Variants in RPH3A observed in about 807,000 individuals in gnomAD.
RPH3A encodes rabphilin-3A.
A neutral mutation model predicts 102.2 loss-of-function variants in RPH3A; 48 were observed. The ratio of observed to expected loss-of-function variants is 0.47; its 90% CI spans 0.37 to 0.60. The LOEUF is 0.60. Among genes scored for constraint, RPH3A ranks in the 20% least tolerant of loss-of-function variants. The probability of loss-of-function intolerance (pLI) is 0.00; values close to 1 mark genes in which losing one functional copy is unlikely to be tolerated. For missense variants in RPH3A, 781 were observed against 910.1 expected (o/e 0.86, Z 1.83); for synonymous variants, 310 against 324.3 (o/e 0.96, Z 0.47).
At chr12:112,591,896 C>T (rs2039481704) in intron 1 of RPH3A, among the ~76,000 whole-genome samples, 1 of 152,170 alleles carries the variant, frequency 6.6e-6, no homozygotes, top group South Asian at 2.1e-4. Context: ...TGGCAATCGT[C>T]CCTCAGTATC....
At chr12:112,682,904 T>C (rs902810581) in intron 1 of RPH3A, among the ~76,000 whole-genome samples, 2 of 152,244 alleles carry the variant, frequency 1.3e-5, no homozygotes, top group Non-Finnish European at 2.9e-5. Context: ...ACTCCTTATC[T>C]GGCTAGCTCC....
intron 1 of RPH3A, among the ~76,000 whole-genome samples, chr12:112,694,122 T>C (rs561881404): frequency 7.2e-4 from 109 of 152,312 alleles, no homozygotes; most frequent in Non-Finnish European, 1.3e-3. Flanking sequence ...TGGTTCATAC[T>C]CCCTGAGTGG....
intron 3 of RPH3A, among the ~76,000 whole-genome samples, chr12:112,831,209 G>A (rs199635670): frequency 7.5e-6 from 1 of 132,850 alleles, no homozygotes; most frequent in Non-Finnish European, 1.6e-5. Flanking sequence ...TCTTGTTTTT[G>A]TCTCTCTTTT....
chr12:112,719,337 A>C (rs1373257928), intron 1 of RPH3A, among the ~76,000 whole-genome samples: 2 of 152,212 alleles, frequency 1.3e-5, no homozygotes, highest in Non-Finnish European at 2.9e-5. Context: ...CATCCACCAG[A>C]GATTAATCCT....
In RPH3A at chr12:112,887,819, A is replaced by C. The variant is rs753017054; in HGVS notation, c.1459A>C (p.Lys487Gln). 1.2e-6 allele frequency: 2 copies of C among 1,613,866 alleles called. No individual in the cohort carries two copies. The highest frequency in any genetic ancestry group is 1.7e-6 in the Non-Finnish European group (2 of 1,179,802). ...TLRISVCDED[K>Q]FGHNEFIGET... is the part of the protein sequence containing the mutation. ...CAGGATCTCCGTCTGTGATGAGGAC[A>C]AATTTGGCCACAATGAATTTATTGG... The change falls in exon 17 of 22, where the codon AAA becomes CAA. Residue 487 changes from lysine (K) to glutamine (Q), a missense_variant. Physicochemically the swap from Lys to Gln is moderately conservative, Grantham distance 53. Transcript: ENST00000389385.
At chr12:112,611,104 A>T (rs968461673) in intron 1 of RPH3A, among the ~76,000 whole-genome samples, 3 of 152,224 alleles carry the variant, frequency 2.0e-5, no homozygotes, top group African/African-American at 7.2e-5. Flanking sequence ...TTGTTCAATG[A>T]ATGAACCATT....
intron 5 of RPH3A, 146 bp from the exon 6 acceptor site, chr12:112,865,268 T>C: frequency 2.1e-6 from 2 of 954,290 alleles, no homozygotes; most frequent in Non-Finnish European, 3.1e-6. Flanking sequence ...TGCATGTGCC[T>C]TTTCTTGGGG....
chr12:112,837,238 T>C (rs1203208437), intron 4 of RPH3A, among the ~76,000 whole-genome samples: 1 of 152,160 alleles, frequency 6.6e-6, no homozygotes, highest in African/African-American at 2.4e-5. Flanking sequence ...GAGCCTTGGT[T>C]ATCTTGTTTG....
At chr12:112,863,777 TAGTG>T (rs1316793387) in intron 5 of RPH3A, among the ~76,000 whole-genome samples, 1 of 152,276 alleles carries the variant, frequency 6.6e-6, no homozygotes, top group Non-Finnish European at 1.5e-5. Flanking sequence ...GCTAAGCATA[TAGTG>T]AGTATCACTG....
chr12:112,866,586 C>T (rs2042614667), intron 6 of RPH3A, among the ~76,000 whole-genome samples, 171 bp from the exon 7 acceptor site: 2 of 152,226 alleles, frequency 1.3e-5, no homozygotes, highest in Admixed American at 6.5e-5. Context: ...TTATTGGAAA[C>T]AAGACTCAAA....
rs1461963907 is a variant in RPH3A at position 112,897,996 on chromosome 12, C to T, written c.*1216C>T. On this transcript the variant is annotated 3_prime_UTR_variant, in exon 22 of 22. Transcript: ENST00000389385. The stretch of plus-strand genomic sequence containing the variant: ...AACAAGCTACCCTCCTCCCCAATGC[C>T]CTTGACTCTGTTTCATTGACTCTTT... 1 of 152,392 alleles carries T rather than the reference C, an allele frequency of 6.6e-6. No individual in the cohort carries two copies. Among genetic ancestry groups the T allele is most frequent in the Non-Finnish European group, 1.5e-5 (1 of 68,172 alleles). 9.4% of individuals were successfully genotyped at this position (152,392 alleles called of 1,614,324 possible).
chr12:112,807,108 A>G (rs1405337709), intron 2 of RPH3A, among the ~76,000 whole-genome samples: 1 of 152,046 alleles, frequency 6.6e-6, no homozygotes, highest in East Asian at 1.9e-4. Context: ...CTGCAGGACC[A>G]TGCAATCAAG....
intron 1 of RPH3A, among the ~76,000 whole-genome samples, chr12:112,735,104 C>G (rs1029882412): frequency 1.3e-5 from 2 of 152,236 alleles, no homozygotes; most frequent in South Asian, 2.1e-4. Context: ...AACCGAAACT[C>G]TTCTCTGACT....
chr12:112,670,283 A>G (rs964875536), intron 1 of RPH3A, among the ~76,000 whole-genome samples: 11 of 152,104 alleles, frequency 7.2e-5, no homozygotes, highest in Non-Finnish European at 1.0e-4. Flanking sequence ...CCTGGGTTCA[A>G]GTGATTCTTG....
chr12:112,686,864 G>C (rs2040268326), intron 1 of RPH3A, among the ~76,000 whole-genome samples: 1 of 152,216 alleles, frequency 6.6e-6, no homozygotes, highest in Admixed American at 6.5e-5. Flanking sequence ...GGGTGCAGTG[G>C]CTCACGCCTG....
chr12:112,721,375 G>T (rs980608619), intron 1 of RPH3A, among the ~76,000 whole-genome samples: 1 of 152,150 alleles, frequency 6.6e-6, no homozygotes, highest in Non-Finnish European at 1.5e-5. Context: ...CTTGGAAAAG[G>T]AAGAATGTTA....
At position 112,898,477 on chromosome 12, in the gene RPH3A, A is replaced by G. The variant is rs1239808320; in HGVS notation, c.*1697A>G. On this transcript the variant is annotated 3_prime_UTR_variant, in exon 22 of 22. Transcript: ENST00000389385. ...CCCTCCACCCTCAGCTCCCTGCACA[A>G]TTCATGGGAGGACTCATTTCTTGCC... 6.6e-6 allele frequency: 1 copy of G among 152,200 alleles called. No individual in the cohort carries two copies. The highest frequency in any genetic ancestry group is 1.5e-5 in the Non-Finnish European group (1 of 68,054). 9.4% of individuals were successfully genotyped at this position (152,200 alleles called of 1,614,324 possible).
intron 1 of RPH3A, among the ~76,000 whole-genome samples, chr12:112,693,526 C>G (rs1048553805): frequency 4.6e-5 from 7 of 152,072 alleles, no homozygotes; most frequent in Non-Finnish European, 1.0e-4. Flanking sequence ...TGTTTTTTCC[C>G]ACCTCTCTGA....
chr12:112,765,934 C>G (rs1402427840), intron 1 of RPH3A, among the ~76,000 whole-genome samples: 6 of 152,220 alleles, frequency 3.9e-5, no homozygotes, highest in Non-Finnish European at 7.3e-5. Context: ...GGCTGGGCTT[C>G]ATTGCAACTC....
Sources: gnomAD v4.1 joint callset for allele counts (sites outside exome capture counted in the v4.1 genomes callset) on GRCh38, gnomAD v4.1.1 for gene constraint, MANE v1.5 for transcripts, NCBI Gene and HGNC (gene_info 2026-07-23, HGNC 2026-07-21) for gene names.